Variants in DNAJC1 observed in about 807,000 individuals in gnomAD.
The protein encoded by DNAJC1 is DnaJ heat shock protein family (Hsp40) member C1, also known as dnaJ homolog subfamily C member 1.
DNAJC1 carries 58 observed loss-of-function variants against 76.6 expected under a neutral mutation model. The observed-to-expected ratio is 0.76, with a 90% CI of 0.61 to 0.94. DNAJC1 has a LOEUF of 0.94. DNAJC1 is among the 40% of genes least tolerant of loss of function. The pLI, the probability that DNAJC1 is intolerant of heterozygous loss-of-function variation, is 0.00. For synonymous variants in DNAJC1, 258 were observed against 267.9 expected, an observed-to-expected ratio of 0.96 and a Z score of 0.36; for missense variants, 689 against 677.3, an observed-to-expected ratio of 1.02 and a Z score of -0.19.
chr10:21,908,366 G>A (rs1184531516), intron 6 of DNAJC1, among the ~76,000 whole-genome samples: 2 of 143,162 alleles, frequency 1.4e-5, no homozygotes, highest in East Asian at 4.0e-4. Flanking sequence ...GAAACCACGT[G>A]GCTATTCTTT....
At chr10:21,862,740 T>C (rs966828932) in intron 8 of DNAJC1, among the ~76,000 whole-genome samples, 1 of 152,062 alleles carries the variant, frequency 6.6e-6, no homozygotes, top group Middle Eastern at 3.2e-3. Context: ...TAAACTATAT[T>C]TAAAGAAACC....
chr10:21,999,683 G>C (rs1838485707), intron 1 of DNAJC1, among the ~76,000 whole-genome samples: 1 of 152,044 alleles, frequency 6.6e-6, no homozygotes, highest in Admixed American at 6.5e-5. Context: ...TTGAACTCCT[G>C]ACCTCGTGAT....
In DNAJC1 at chr10:21,865,529, A is replaced by C. The variant is rs188055380; in HGVS notation, c.978+16753T>G. Reference sequence around the variant, plus strand: ...AGAGCAAGAAAACTAATCCATGATAATAGAAAGCAGATCACTGGTTGCCTG... The same window carrying C: ...AGAGCAAGAAAACTAATCCATGATACTAGAAAGCAGATCACTGGTTGCCTG... On this transcript the variant is annotated intron_variant, in intron 8 of 11. Transcript: ENST00000376980. 21 of 152,272 alleles carry C rather than the reference A, an allele frequency of 1.4e-4. No homozygotes were observed. In the East Asian group the frequency reaches 3.5e-3, roughly 25 times the overall value. The allele number at this position is 152,272 out of a possible 1,614,324, so 9.4% of individuals were successfully genotyped here. A position where few individuals can be genotyped will look rare whatever the true frequency, so the allele number is the denominator to read the frequency against.
intron 6 of DNAJC1, among the ~76,000 whole-genome samples, chr10:21,910,335 G>A (rs1403542136): frequency 3.9e-5 from 6 of 152,010 alleles, no homozygotes; most frequent in Admixed American, 1.3e-4. Context: ...GGCTGGTCTC[G>A]AACTCTTGAT....
At chr10:21,976,075 A>G (rs188928353) in intron 1 of DNAJC1, among the ~76,000 whole-genome samples, 88 of 152,346 alleles carry the variant, frequency 5.8e-4, no homozygotes, top group South Asian at 1.0e-3. Context: ...TCTATATTAC[A>G]GTTTATTACT....
intron 7 of DNAJC1, among the ~76,000 whole-genome samples, chr10:21,901,615 C>G (rs184036863): frequency 1.0e-3 from 155 of 152,234 alleles, no homozygotes; most frequent in African/African-American, 3.3e-3. Context: ...CTTTTCACTG[C>G]CCCCCATATC....
intron 9 of DNAJC1, among the ~76,000 whole-genome samples, chr10:21,782,638 T>C (rs57115266): frequency 0.035 from 5,321 of 152,276 alleles, 149 homozygotes; most frequent in African/African-American, 0.068. Context: ...TGAACATCGA[T>C]GCAAAAATCC....
At position 21,805,439 on chromosome 10, in the gene DNAJC1, GACAC is replaced by G. The variant is rs10657199; in HGVS notation, c.1098+537_1098+540del. Among the ~76,000 whole-genome samples the G allele has an allele frequency of 1.4e-3, 196 of 142,850 alleles. 1 individual carries two copies. Among genetic ancestry groups the G allele is most frequent in the Middle Eastern group, 3.5e-3 (1 of 286 alleles). 93.7% of individuals were successfully genotyped at this position (142,850 alleles called of 152,430 possible). ...ATTTATCTTTTAAATGTTACGTATG[GACAC>G]ACACACACACACACACACACACACA... On this transcript the variant is annotated intron_variant, in intron 9 of 11. Coordinates refer to ENST00000376980, the MANE Select transcript of DNAJC1 (RefSeq NM_022365.4).
At chr10:21,885,583 A>T (rs1238239396) in intron 7 of DNAJC1, among the ~76,000 whole-genome samples, 1 of 152,216 alleles carries the variant, frequency 6.6e-6, no homozygotes, top group Non-Finnish European at 1.5e-5. Flanking sequence ...TGATCACATA[A>T]TTGAACATTA....
At chr10:21,983,684 A>T (rs183696665) in intron 1 of DNAJC1, among the ~76,000 whole-genome samples, 1 of 150,462 alleles carries the variant, frequency 6.6e-6, no homozygotes, top group Non-Finnish European at 1.5e-5. Flanking sequence ...TTGCACCACT[A>T]CATTCCAGCC....
chr10:21,860,694 AAAACAAACAAACAAACAAACAAACAAAC>A (rs143159403), intron 8 of DNAJC1: 1 of 158,416 alleles, frequency 6.3e-6, no homozygotes, highest in Non-Finnish European at 1.3e-5. Context: ...ACTCTGTCTC[AAAACAAACAAACAAACAAACAAACAAAC>A]AAACAAACAA....
At chr10:21,994,889 C>T (rs1343412918) in intron 1 of DNAJC1, among the ~76,000 whole-genome samples, 1 of 149,136 alleles carries the variant, frequency 6.7e-6, no homozygotes, top group Non-Finnish European at 1.5e-5. Context: ...ACACAATTTC[C>T]AGACTTCCTA....
intron 8 of DNAJC1, among the ~76,000 whole-genome samples, chr10:21,815,177 T>G (rs1835054640): frequency 6.6e-6 from 1 of 152,226 alleles, no homozygotes; most frequent in Admixed American, 6.5e-5. Context: ...GCCACAGTAC[T>G]GTGCTGCTCA....
chr10:21,885,710 T>C (rs1002238982), intron 7 of DNAJC1, among the ~76,000 whole-genome samples: 1 of 152,036 alleles, frequency 6.6e-6, no homozygotes, highest in Non-Finnish European at 1.5e-5. Context: ...TACACGGAAA[T>C]TAAATGACAT....
Position 21,918,833 on chromosome 10 carries a change from G to C in DNAJC1, c.675C>G (p.Cys225Trp). The change falls in exon 6 of 12, where the codon TGC becomes TGG. Residue 225 changes from cysteine to tryptophan, a missense_variant. Coordinates refer to ENST00000376980, the MANE Select transcript of DNAJC1 (RefSeq NM_022365.4). ...MKPQWHDLLP[C>W]KLGIWFCLTL... The stretch of plus-strand genomic sequence containing the variant: ...TAAGGCAAAACCAAATCCCCAGTTT[G>C]CATGGAAGCAAATCATGCCACTGTG... The C allele has an allele frequency of 6.2e-7, 1 of 1,613,260 alleles. No homozygotes were observed. Among genetic ancestry groups the C allele is most frequent in the South Asian group, 1.1e-5 (1 of 91,056 alleles).
At chr10:21,990,078 C>T (rs905427365) in intron 1 of DNAJC1, among the ~76,000 whole-genome samples, 2 of 152,164 alleles carry the variant, frequency 1.3e-5, no homozygotes, top group African/African-American at 2.4e-5. Context: ...CAACTATACA[C>T]GGGGTGCTGC....
At chr10:21,865,053 A>T (rs1835975939) in intron 8 of DNAJC1, among the ~76,000 whole-genome samples, 2 of 152,266 alleles carry the variant, frequency 1.3e-5, no homozygotes, top group Non-Finnish European at 2.9e-5. Flanking sequence ...AAAATTAAAG[A>T]GGGTGATGAT....
At chr10:21,817,720 G>A (rs886301292) in intron 8 of DNAJC1, among the ~76,000 whole-genome samples, 21 of 152,200 alleles carry the variant, frequency 1.4e-4, no homozygotes, top group Non-Finnish European at 2.4e-4. Context: ...GCAGAAGAAC[G>A]TGGATTGTGA....
chr10:21,806,775 C>T (rs1834889365), intron 8 of DNAJC1, among the ~76,000 whole-genome samples: 1 of 151,838 alleles, frequency 6.6e-6, no homozygotes, highest in Non-Finnish European at 1.5e-5. Flanking sequence ...ACCATCAAGT[C>T]CATGTAAAGC....
Sources: gnomAD v4.1 joint callset for allele counts (sites outside exome capture counted in the v4.1 genomes callset) on GRCh38, gnomAD v4.1.1 for gene constraint, MANE v1.5 for transcripts, NCBI Gene and HGNC (gene_info 2026-07-23, HGNC 2026-07-21) for gene names.